RALGAPB: variants seen among roughly 807,000 people sequenced by gnomAD.
RALGAPB encodes the protein Ral GTPase activating protein non-catalytic subunit beta.
RALGAPB carries 25 observed loss-of-function variants against 161.1 expected under a neutral mutation model. The observed-to-expected ratio is 0.16, with a 90% CI of 0.11 to 0.22. The LOEUF (loss-of-function observed/expected upper bound fraction) is 0.22, where lower values mean the gene tolerates loss of function less well. RALGAPB is among the 10% of genes least tolerant of loss of function. The pLI is 1.00. For synonymous variants in RALGAPB, 629 were observed against 626.1 expected, an observed-to-expected ratio of 1.00 and a Z score of -0.07; for missense variants, 1,391 against 1,815.2, an observed-to-expected ratio of 0.77 and a Z score of 4.25.
At chr20:38,550,709 TTA>T (rs992465390) in intron 20 of RALGAPB, among the ~76,000 whole-genome samples, 1 of 152,192 alleles carries the variant, frequency 6.6e-6, no homozygotes, top group Non-Finnish European at 1.5e-5. Flanking sequence ...TTGTCTTTAA[TTA>T]TATTGAATGA....
At position 38,576,502 on chromosome 20, in the gene RALGAPB, T is replaced by A. The variant is rs1301841811; in HGVS notation, c.*1535T>A. The A allele has an allele frequency of 6.6e-6, 1 of 152,214 alleles. No homozygotes were observed. The highest frequency in any genetic ancestry group is 6.5e-5 in the Admixed American group (1 of 15,280). 9.4% of individuals were successfully genotyped at this position (152,214 alleles called of 1,614,324 possible). ...GGGCATAGCAGCTCTTGGTTTAAAG[T>A]TTGCCATAACCTGTTCATGTTTGTT... On this transcript the variant is annotated 3_prime_UTR_variant, in exon 30 of 30. Coordinates refer to ENST00000262879, the MANE Select transcript of RALGAPB (RefSeq NM_020336.4).
At chr20:38,518,958 C>A (rs6070443) in intron 9 of RALGAPB, among the ~76,000 whole-genome samples, 2 of 152,174 alleles carry the variant, frequency 1.3e-5, no homozygotes, top group African/African-American at 4.8e-5. Context: ...GAAATGAATT[C>A]TTAGCTGTTA....
At chr20:38,481,335 C>G (rs941271855) in intron 1 of RALGAPB, among the ~76,000 whole-genome samples, 1 of 152,108 alleles carries the variant, frequency 6.6e-6, no homozygotes, top group African/African-American at 2.4e-5. Flanking sequence ...TAAAGACATA[C>G]CCAAGACTGA....
In RALGAPB at chr20:38,545,882, TC is replaced by T. The variant is rs774032994; in HGVS notation, c.2715-359del. Among the ~76,000 whole-genome samples the T allele has an allele frequency of 6.6e-5, 10 of 152,342 alleles. No homozygotes were observed. In the South Asian group the frequency reaches 2.1e-3, roughly 32 times the overall value. Reference sequence around the variant, plus strand: ...CATATGGAATATGAGCTTGCTGTGTTCCATGCAAGATTCTAAGATATCAGAT... The same window carrying T: ...CATATGGAATATGAGCTTGCTGTGTTCATGCAAGATTCTAAGATATCAGAT... On this transcript the variant is annotated intron_variant, in intron 18 of 29. Coordinates refer to ENST00000262879, the MANE Select transcript of RALGAPB (RefSeq NM_020336.4).
At chr20:38,570,161 C>G (rs995814892) in intron 27 of RALGAPB, among the ~76,000 whole-genome samples, 165 bp downstream of exon 27, 4 of 152,158 alleles carry the variant, frequency 2.6e-5, no homozygotes, top group Non-Finnish European at 5.9e-5. Context: ...TTTCTTTAAG[C>G]CTTAGATTAC....
chr20:38,522,473 C>A (rs2086319912), intron 10 of RALGAPB, among the ~76,000 whole-genome samples: 2 of 152,180 alleles, frequency 1.3e-5, no homozygotes, highest in East Asian at 3.8e-4. Context: ...CTATCCCCAC[C>A]ATTATACTTT....
At chr20:38,531,124 T>C in intron 13 of RALGAPB, 43 bp from the exon 14 acceptor site, 1 of 1,460,762 alleles carries the variant, frequency 6.8e-7, no homozygotes, top group South Asian at 1.2e-5. Flanking sequence ...ATTTTAGTGT[T>C]CTTGTGTATT....
chr20:38,485,840 C>G (rs975447713), intron 1 of RALGAPB, among the ~76,000 whole-genome samples: 1 of 151,944 alleles, frequency 6.6e-6, no homozygotes, highest in Non-Finnish European at 1.5e-5. Context: ...TTAATATATC[C>G]GTAATTATAA....
At chr20:38,492,839 G>A in intron 2 of RALGAPB, 91 bp from the exon 3 acceptor site, 1 of 1,047,312 alleles carries the variant, frequency 9.5e-7, no homozygotes, top group South Asian at 1.5e-5. Flanking sequence ...CAATTTAGAG[G>A]TTTTTGGCAA....
At chr20:38,520,199 T>C (rs1400845677) in intron 9 of RALGAPB, 1 of 649,162 alleles carries the variant, frequency 1.5e-6, no homozygotes, top group Non-Finnish European at 1.9e-6. Context: ...TAATTACTAC[T>C]GTCCTTTGAT....
chr20:38,571,395 C>G (rs2088233333), intron 28 of RALGAPB, among the ~76,000 whole-genome samples: 3 of 152,122 alleles, frequency 2.0e-5, no homozygotes, highest in Admixed American at 1.3e-4. Flanking sequence ...CCCTGCAGTT[C>G]CTGACAACTA....
intron 18 of RALGAPB, 30 bp downstream of exon 18, chr20:38,541,222 C>T (rs6064678): frequency 1.3e-5 from 21 of 1,608,556 alleles, no homozygotes; most frequent in Non-Finnish European, 1.8e-5. Context: ...GGGATTGTGC[C>T]TAGGAATTAG....
At position 38,539,881 on chromosome 20, in the gene RALGAPB, C is replaced by T. The variant is rs747049213; in HGVS notation, c.2485C>T (p.Leu829=). ...SRPAPLHSRD[L]HSMIVAAFQC... ...GCCAGCTCCTTTACACTCCAGGGAT[C>T]TGCACTCCATGATAGTGGCAGCTTT... The change falls in exon 17 of 30, where the codon CTG becomes TTG. Residue 829 remains leucine (L), a synonymous_variant. Coordinates refer to ENST00000262879, the MANE Select transcript of RALGAPB (RefSeq NM_020336.4). 6.2e-7 allele frequency: 1 copy of T among 1,614,152 alleles called. No individual in the cohort carries two copies.
intron 1 of RALGAPB, among the ~76,000 whole-genome samples, chr20:38,476,259 T>C (rs1262322644): frequency 6.6e-6 from 1 of 152,258 alleles, no homozygotes; most frequent in Non-Finnish European, 1.5e-5. Flanking sequence ...TACGAGGTAC[T>C]CATCAGTGTT....
At chr20:38,500,997 T>C (rs756341699) in intron 5 of RALGAPB, among the ~76,000 whole-genome samples, 1 of 151,984 alleles carries the variant, frequency 6.6e-6, no homozygotes, top group Non-Finnish European at 1.5e-5. Context: ...GTTCATGAGG[T>C]TTAAGGAAAG....
At chr20:38,559,547 T>G (rs2087715533) in intron 23 of RALGAPB, among the ~76,000 whole-genome samples, 1 of 152,004 alleles carries the variant, frequency 6.6e-6, no homozygotes, top group African/African-American at 2.4e-5. Flanking sequence ...ATACAAAAAT[T>G]AGCCAGCGTG....
intron 1 of RALGAPB, among the ~76,000 whole-genome samples, chr20:38,484,799 G>C (rs2085070171): frequency 6.6e-6 from 1 of 152,134 alleles, no homozygotes; most frequent in South Asian, 2.1e-4. Flanking sequence ...AGGTTCAGGT[G>C]ATCCTCCTGC....
At chr20:38,483,870 G>A (rs1432471984) in intron 1 of RALGAPB, among the ~76,000 whole-genome samples, 1 of 152,178 alleles carries the variant, frequency 6.6e-6, no homozygotes, top group Admixed American at 6.5e-5. Context: ...AGCCGCAACA[G>A]CAAGAGGAGG....
intron 5 of RALGAPB, among the ~76,000 whole-genome samples, chr20:38,502,904 C>G (rs553268087): frequency 6.6e-6 from 1 of 152,316 alleles, no homozygotes; most frequent in South Asian, 2.1e-4. Context: ...CTGCGCCTGG[C>G]CCTTTTTTAT....
Sources: gnomAD v4.1 joint callset for allele counts (sites outside exome capture counted in the v4.1 genomes callset) on GRCh38, gnomAD v4.1.1 for gene constraint, MANE v1.5 for transcripts, NCBI Gene and HGNC (gene_info 2026-07-23, HGNC 2026-07-21) for gene names.